DLG2: variants seen among roughly 807,000 people sequenced by gnomAD.
DLG2 encodes the protein discs large MAGUK scaffold protein 2.
Under a neutral mutation model 132.5 loss-of-function variants are expected in DLG2, and 45 were observed. The ratio of observed to expected loss-of-function variants is 0.34; its 90% confidence interval spans 0.27 to 0.44. The LOEUF (loss-of-function observed/expected upper bound fraction) is 0.44, where lower values mean the gene tolerates loss of function less well. Among genes scored for constraint, DLG2 ranks in the 20% least tolerant of loss-of-function variants. The probability of loss-of-function intolerance (pLI) is 1.00; values close to 1 mark genes in which losing one functional copy is unlikely to be tolerated. For missense variants in DLG2, 1,045 were observed against 1,196.9 expected (o/e 0.87, Z 1.87); for synonymous variants, 424 against 419.6 (o/e 1.01, Z -0.13).
chr11:83,711,443 G>A (rs543139224), intron 18 of DLG2, among the ~76,000 whole-genome samples: 1 of 152,206 alleles, frequency 6.6e-6, no homozygotes, highest in Non-Finnish European at 1.5e-5. Flanking sequence ...GACGTCAAGT[G>A]AGTCATTGGA....
chr11:84,566,450 G>A lies in DLG2; in HGVS notation c.358-31719C>T, dbSNP rs960172543. Among the ~76,000 whole-genome samples the A allele has an allele frequency of 2.0e-4, 30 of 152,262 alleles. 1 individual carries two copies. Among genetic ancestry groups the A allele is most frequent in the Admixed American group, 1.5e-3 (23 of 15,290 alleles). On this transcript the variant is annotated intron_variant, in intron 6 of 27. Coordinates refer to ENST00000376104, the MANE Select transcript of DLG2 (RefSeq NM_001142699.3). Reference sequence around the variant, plus strand: ...GCATTTCCTTAGAAGAGTGGATAATGCCCAGTGAATACAAATGTCCCTCTC... The same window carrying A: ...GCATTTCCTTAGAAGAGTGGATAATACCCAGTGAATACAAATGTCCCTCTC...
At chr11:84,769,846 C>A (rs1364827362) in intron 6 of DLG2, among the ~76,000 whole-genome samples, 1 of 152,130 alleles carries the variant, frequency 6.6e-6, no homozygotes, top group Admixed American at 6.5e-5. Flanking sequence ...TAAATTCCAA[C>A]CAAGAATTTA....
At chr11:84,522,311 A>T (rs1316312976) in intron 7 of DLG2, among the ~76,000 whole-genome samples, 3 of 152,216 alleles carry the variant, frequency 2.0e-5, no homozygotes, top group Non-Finnish European at 4.4e-5. Context: ...AGTAACTTCA[A>T]TTACTGTAAT....
chr11:84,442,056 C>T (rs145804166), intron 7 of DLG2, among the ~76,000 whole-genome samples: 15 of 152,284 alleles, frequency 9.9e-5, no homozygotes, highest in African/African-American at 3.6e-4. Context: ...TAATGTGATG[C>T]CTCCAGCTTT....
intron 6 of DLG2, among the ~76,000 whole-genome samples, chr11:84,803,351 A>G (rs1307625908): frequency 1.3e-5 from 2 of 152,254 alleles, no homozygotes; most frequent in Admixed American, 1.3e-4. Context: ...CTTTAATGAA[A>G]GCTGTTTTGT....
intron 7 of DLG2, among the ~76,000 whole-genome samples, chr11:84,501,226 T>C (rs533175110): frequency 3.9e-5 from 6 of 152,374 alleles, no homozygotes; most frequent in East Asian, 1.9e-4. Flanking sequence ...CTTCAAATTA[T>C]ACAAACGGTC....
chr11:84,482,421 G>A (rs897424334), intron 7 of DLG2, among the ~76,000 whole-genome samples: 3 of 152,132 alleles, frequency 2.0e-5, no homozygotes, highest in African/African-American at 7.2e-5. Flanking sequence ...TGCAGGTGCA[G>A]GACTTAAAAA....
At chr11:85,056,792 A>T (rs1440473531) in intron 6 of DLG2, among the ~76,000 whole-genome samples, 1 of 152,004 alleles carries the variant, frequency 6.6e-6, no homozygotes, top group Non-Finnish European at 1.5e-5. Context: ...GGCAGCAATA[A>T]TGAAAGCCAT....
intron 15 of DLG2, among the ~76,000 whole-genome samples, chr11:83,898,969 T>C (rs2072617009): frequency 6.6e-6 from 1 of 152,238 alleles, no homozygotes; most frequent in Non-Finnish European, 1.5e-5. Context: ...TGAGAGATTA[T>C]TTCTGTTCTG....
intron 7 of DLG2, among the ~76,000 whole-genome samples, chr11:84,421,284 A>C (rs1384090847): frequency 6.6e-6 from 1 of 152,216 alleles, no homozygotes; most frequent in Non-Finnish European, 1.5e-5. Flanking sequence ...TTGTTACAGC[A>C]GCCCAAACTG....
intron 6 of DLG2, among the ~76,000 whole-genome samples, chr11:84,702,707 A>G (rs1002373380): frequency 2.6e-5 from 4 of 151,564 alleles, no homozygotes; most frequent in Non-Finnish European, 5.9e-5. Flanking sequence ...TCACAGTTTA[A>G]ATCAGGCCTT....
chr11:83,774,987 C>T (rs1207887307), intron 18 of DLG2, among the ~76,000 whole-genome samples: 1 of 151,500 alleles, frequency 6.6e-6, no homozygotes, highest in Admixed American at 6.6e-5. Context: ...TTCCTAGAGC[C>T]AAGCCCAAGA....
intron 6 of DLG2, among the ~76,000 whole-genome samples, chr11:84,902,903 C>T (rs1426792029): frequency 6.6e-6 from 1 of 152,182 alleles, no homozygotes; most frequent in Non-Finnish European, 1.5e-5. Flanking sequence ...TAATAGCTCA[C>T]AGTTATTGTC....
intron 14 of DLG2, among the ~76,000 whole-genome samples, chr11:83,939,626 C>T (rs1372644089): frequency 1.3e-5 from 2 of 152,188 alleles, no homozygotes; most frequent in African/African-American, 4.8e-5. Flanking sequence ...TTTCTTTCCT[C>T]GGAGGCTCGA....
At chr11:84,502,915 G>GA (rs2099225597) in intron 7 of DLG2, among the ~76,000 whole-genome samples, 1 of 152,176 alleles carries the variant, frequency 6.6e-6, no homozygotes. Context: ...ATTTCCAGAG[G>GA]AAATGCTACA....
At chr11:85,445,594 C>T (rs1389214048) in intron 3 of DLG2, among the ~76,000 whole-genome samples, 9 of 152,112 alleles carry the variant, frequency 5.9e-5, no homozygotes, top group Non-Finnish European at 1.0e-4. Flanking sequence ...GCAGGAGAAT[C>T]GCCTGAACCT....
chr11:83,759,822 T>C (rs1042433790), intron 18 of DLG2, among the ~76,000 whole-genome samples: 103 of 152,294 alleles, frequency 6.8e-4, no homozygotes, highest in African/African-American at 2.4e-3. Context: ...ATAGGTTCTA[T>C]AAAGGACATC....
intron 19 of DLG2, among the ~76,000 whole-genome samples, chr11:83,605,964 T>C (rs1385269914): frequency 6.6e-6 from 1 of 152,202 alleles, no homozygotes. Context: ...ATCTGTGACT[T>C]GAGATACTAG....
At chr11:85,497,258 C>A (rs1488590775) in intron 3 of DLG2, among the ~76,000 whole-genome samples, 4 of 151,588 alleles carry the variant, frequency 2.6e-5, no homozygotes, top group Admixed American at 2.6e-4. Context: ...CTGAAAACCA[C>A]AGTACGAGAA....
Sources: gnomAD v4.1 joint callset for allele counts (sites outside exome capture counted in the v4.1 genomes callset) on GRCh38, gnomAD v4.1.1 for gene constraint, MANE v1.5 for transcripts, NCBI Gene and HGNC (gene_info 2026-07-23, HGNC 2026-07-21) for gene names.